CALHM4: variants seen among roughly 807,000 people sequenced by gnomAD.
CALHM4 encodes the protein calcium homeostasis modulator family member 4, also known as calcium homeostasis modulator protein 4.
CALHM4 carries 16 observed loss-of-function variants against 13.3 expected under a neutral mutation model. That is an observed-to-expected ratio of 1.20 (90% CI 0.81 to 1.82). CALHM4 has a LOEUF of 1.82. Among genes scored for constraint, CALHM4 ranks in the 40% most tolerant of loss-of-function variants. The pLI is 0.00. For synonymous variants in CALHM4, 127 were observed against 137.1 expected (o/e 0.93, Z 0.52); for missense variants, 344 against 374.9 (o/e 0.92, Z 0.68).
At chr6:116,547,651 A>C (rs962060665) in intron 2 of CALHM4, among the ~76,000 whole-genome samples, 6 of 152,118 alleles carry the variant, frequency 3.9e-5, no homozygotes, top group Non-Finnish European at 8.8e-5. Flanking sequence ...CTCCTTTTTT[A>C]ATGTAAATGT....
upstream of CALHM4, among the ~76,000 whole-genome samples, chr6:116,550,713 T>C (rs781412858): frequency 6.6e-6 from 1 of 152,116 alleles, no homozygotes; most frequent in Non-Finnish European, 1.5e-5. Flanking sequence ...TTTTGAATTA[T>C]CTATGCGTTG....
At chr6:116,533,448 A>G (rs1395501197) in intron 1 of CALHM4, among the ~76,000 whole-genome samples, 3 of 152,234 alleles carry the variant, frequency 2.0e-5, no homozygotes, top group Non-Finnish European at 4.4e-5. Context: ...ACGTGGCTTC[A>G]TTTGCCACCT....
chr6:116,535,520 A>T (rs776409326), intron 1 of CALHM4, among the ~76,000 whole-genome samples: 2 of 152,258 alleles, frequency 1.3e-5, no homozygotes, highest in Non-Finnish European at 2.9e-5. Flanking sequence ...AAACTATTTT[A>T]TCATAAATGT....
intron 1 of CALHM4, among the ~76,000 whole-genome samples, chr6:116,530,902 C>CACATATATATATAT (rs1194839112): frequency 1.3e-5 from 1 of 76,470 alleles, no homozygotes; most frequent in Non-Finnish European, 2.4e-5. Flanking sequence ...AAGTGAGACT[C>CACATATATATATAT]ATATATATAT....
At position 116,553,989 on chromosome 6, in the gene CALHM4, G is replaced by A. The variant is rs1192431739; in HGVS notation, c.196G>A (p.Ala66Thr). Residue 66 changes from alanine to threonine, a missense_variant, in exon 1 of 2, where the codon GCT (alanine) becomes ACT (threonine). Coordinates refer to ENST00000368596, the MANE Select transcript of CALHM4 (RefSeq NM_001366078.2). ...CATTCCTGCCTTGATCCTTCTCGTTGCTGGCTTTGCTCTGAGAAGCCAAAT... is the reference window on the plus strand; with the variant it reads ...CATTCCTGCCTTGATCCTTCTCGTTACTGGCTTTGCTCTGAGAAGCCAAAT... The part of the protein sequence containing the change: ...LVIPALILLV[A>T]GFALRSQMWT... 1 of 1,550,618 alleles carries A rather than the reference G, an allele frequency of 6.4e-7. No homozygotes were observed. Among genetic ancestry groups the A allele is most frequent in the Admixed American group, 2.0e-5 (1 of 50,994 alleles).
upstream of CALHM4, among the ~76,000 whole-genome samples, chr6:116,551,443 T>G (rs1774074675): frequency 6.6e-6 from 1 of 152,226 alleles, no homozygotes; most frequent in South Asian, 2.1e-4. Context: ...CCTGAATTAT[T>G]TCATCCGGAA....
At position 116,557,975 on chromosome 6, in the gene CALHM4, G is replaced by T. The variant is rs777158624; in HGVS notation, c.709G>T (p.Glu237Ter). 5.6e-6 allele frequency: 9 copies of T among 1,614,028 alleles called. No individual in the cohort carries two copies. The highest frequency in any genetic ancestry group is 7.6e-6 in the Non-Finnish European group (9 of 1,180,024). The change falls in exon 2 of 2, where the codon GAG becomes TAG. Residue 237 changes from glutamate to a stop codon, truncating the protein, a stop_gained. Coordinates refer to ENST00000368596, the MANE Select transcript of CALHM4 (RefSeq NM_001366078.2). LOFTEE classifies it high-confidence loss of function. ...NERELFEQAA[E>*]QHSRLLMMHR... Reference sequence around the variant, plus strand: ...GAGAGAACTCTTTGAACAAGCAGCAGAGCAGCACTCTCGGCTCCTCATGAT... The same window carrying T: ...GAGAGAACTCTTTGAACAAGCAGCATAGCAGCACTCTCGGCTCCTCATGAT...
intron 1 of CALHM4, among the ~76,000 whole-genome samples, 156 bp downstream of exon 1, chr6:116,554,507 A>G (rs545383742): frequency 6.6e-6 from 1 of 152,260 alleles, no homozygotes; most frequent in South Asian, 2.1e-4. Context: ...GCAAATATAT[A>G]TAGTTAGGAT....
chr6:116,549,229 G>A (rs1307888896), upstream of CALHM4, among the ~76,000 whole-genome samples: 2 of 152,222 alleles, frequency 1.3e-5, no homozygotes, highest in African/African-American at 4.8e-5. Flanking sequence ...GGAGGTTGCA[G>A]TAGCTGAGAT....
At chr6:116,539,025 G>C (rs1773271674) in intron 1 of CALHM4, among the ~76,000 whole-genome samples, 1 of 152,128 alleles carries the variant, frequency 6.6e-6, no homozygotes, top group Non-Finnish European at 1.5e-5. Flanking sequence ...AAGATCAAGA[G>C]GGAGTCATTC....
chr6:116,553,419 A>T (rs1774166455), upstream of CALHM4, among the ~76,000 whole-genome samples: 1 of 152,200 alleles, frequency 6.6e-6, no homozygotes, highest in South Asian at 2.1e-4. Context: ...AAGGTTAAGA[A>T]TGTCTCTGTT....
chr6:116,538,626 TA>T (rs1773239584), intron 1 of CALHM4, among the ~76,000 whole-genome samples: 1 of 152,202 alleles, frequency 6.6e-6, no homozygotes, highest in Admixed American at 6.5e-5. Flanking sequence ...TAAACAACCT[TA>T]AATACAGGAG....
intron 1 of CALHM4, among the ~76,000 whole-genome samples, chr6:116,541,484 G>C (rs1287804324): frequency 1.3e-5 from 2 of 152,168 alleles, no homozygotes; most frequent in African/African-American, 2.4e-5. Context: ...GCTCTAAAAA[G>C]AGATGAAATC....
chr6:116,540,202 A>T (rs1336861143), intron 1 of CALHM4, among the ~76,000 whole-genome samples: 1 of 152,168 alleles, frequency 6.6e-6, no homozygotes, highest in Non-Finnish European at 1.5e-5. Context: ...CAGTAGCTTT[A>T]TCTCTGTGCT....
At chr6:116,543,577 T>C (rs557347250) in intron 1 of CALHM4, among the ~76,000 whole-genome samples, 1 of 152,262 alleles carries the variant, frequency 6.6e-6, no homozygotes, top group East Asian at 1.9e-4. Flanking sequence ...CACATTTGGA[T>C]ACATTGATGT....
In CALHM4 at chr6:116,553,910, C is replaced by G. The variant is rs1774190963; in HGVS notation, c.117C>G (p.Phe39Leu). 3 of 1,550,666 alleles carry G rather than the reference C, an allele frequency of 1.9e-6. No individual in the cohort carries two copies. The highest frequency in any genetic ancestry group is 8.7e-7 in the Non-Finnish European group (1 of 1,147,014). The part of the protein sequence containing the change: ...GGQQLFSSST[F>L]SCPCQVGKNF... ...AACAACTCTTCTCCTCTTCTACATTCAGCTGTCCTTGTCAGGTTGGAAAAA... is the reference window on the plus strand; with the variant it reads ...AACAACTCTTCTCCTCTTCTACATTGAGCTGTCCTTGTCAGGTTGGAAAAA... Residue 39 changes from phenylalanine (F) to leucine (L), a missense_variant, in exon 1 of 2, where the codon TTC becomes TTG. By Grantham distance (22) the Phe-to-Leu change is conservative. Coordinates refer to ENST00000368596, the MANE Select transcript of CALHM4 (RefSeq NM_001366078.2).
chr6:116,548,882 T>C (rs1246640012), upstream of CALHM4, among the ~76,000 whole-genome samples: 1 of 152,240 alleles, frequency 6.6e-6, no homozygotes. Flanking sequence ...ACAGAATGGT[T>C]GTGTGCATGT....
chr6:116,540,279 G>T, intron 1 of CALHM4: 1 of 1,299,562 alleles, frequency 7.7e-7, no homozygotes, highest in Non-Finnish European at 1.1e-6. Context: ...GATGGAACCT[G>T]TCCAATCTGA....
intron 2 of CALHM4, among the ~76,000 whole-genome samples, chr6:116,545,110 TATATATACATACATACATATATATAC>T (rs1283549737): frequency 6.7e-6 from 1 of 150,372 alleles, no homozygotes; most frequent in Non-Finnish European, 1.5e-5. Context: ...TACACACATA[TATATATACATACATACATATATATAC>T]ATATACATAT....
Sources: gnomAD v4.1 joint callset for allele counts (sites outside exome capture counted in the v4.1 genomes callset) on GRCh38, gnomAD v4.1.1 for gene constraint, MANE v1.5 for transcripts, NCBI Gene and HGNC (gene_info 2026-07-23, HGNC 2026-07-21) for gene names.